The following POLR2F variants were observed in gnomAD, a reference collection of about 807,000 sequenced individuals.
POLR2F encodes RNA polymerase II, I and III subunit F, also known as DNA-directed RNA polymerases I, II, and III subunit RPABC2.
Under a neutral mutation model 22.7 loss-of-function variants are expected in POLR2F, and 12 were observed. That is an observed-to-expected ratio of 0.53 (90% CI 0.34 to 0.86). POLR2F has a LOEUF of 0.86. Among genes scored for constraint, POLR2F ranks in the 40% least tolerant of loss-of-function variants. The pLI, the probability that POLR2F is intolerant of heterozygous loss-of-function variation, is 0.02. For synonymous variants in POLR2F, 57 were observed against 66.0 expected (o/e 0.86, Z 0.66); for missense variants, 126 against 171.5 (o/e 0.73, Z 1.48).
chr22:38,023,390 T>C (rs2145822825), intron 1 of POLR2F, among the ~76,000 whole-genome samples: 1 of 152,204 alleles, frequency 6.6e-6, no homozygotes, highest in African/African-American at 2.4e-5. Context: ...TTAAAATCTA[T>C]GAAAAGGTCT....
chr22:37,974,374 T>C lies in POLR2F; in HGVS notation c.293+7204T>C, dbSNP rs1932162448. On this transcript the variant is annotated intron_variant, in intron 4 of 4. Coordinates refer to the POLR2F transcript ENST00000405557. This position sits in a 1 kb window ranked among gnomAD's most constrained non-coding sequence, Gnocchi z 5.4. ...TTTTTTTTGTTTTTTTTTTTTGAGA[T>C]GGAGTTTCGCTCTTGTTGCCCAGAC... Among the ~76,000 whole-genome samples, 2 of 149,404 alleles carry C rather than the reference T, an allele frequency of 1.3e-5. No homozygotes were observed. Among genetic ancestry groups the C allele is most frequent in the South Asian group, 4.2e-4 (2 of 4,796 alleles).
chr22:38,037,435 G>A (rs375018984), intron 5 of POLR2F, among the ~76,000 whole-genome samples: 4 of 121,986 alleles, frequency 3.3e-5, no homozygotes, highest in African/African-American at 1.1e-4. Flanking sequence ...CACCATGCTC[G>A]GCTATTTTTT....
intron 3 of POLR2F, among the ~76,000 whole-genome samples, chr22:37,964,974 C>A (rs1931796998): frequency 6.6e-6 from 1 of 152,162 alleles, no homozygotes; most frequent in African/African-American, 2.4e-5. Flanking sequence ...TGGCTCCTTG[C>A]CTGCTGTAAG....
chr22:37,981,006 C>CA (rs1932379389), intron 4 of POLR2F, among the ~76,000 whole-genome samples: 1 of 152,160 alleles, frequency 6.6e-6, no homozygotes, highest in Non-Finnish European at 1.5e-5. Context: ...CCACAGGCAC[C>CA]ACCCTGTGAT....
chr22:38,013,785 T>G (rs998918852), intron 1 of POLR2F, among the ~76,000 whole-genome samples: 11 of 152,326 alleles, frequency 7.2e-5, no homozygotes, highest in Admixed American at 1.3e-4. Context: ...TTTAAATATT[T>G]TAAAAAGTAA....
chr22:38,020,989 G>T (rs1201998537), intron 1 of POLR2F, among the ~76,000 whole-genome samples: 1 of 152,220 alleles, frequency 6.6e-6, no homozygotes, highest in Non-Finnish European at 1.5e-5. Flanking sequence ...CTCTTTTGCG[G>T]TTACTCCTGT....
chr22:37,985,560 C>T (rs1381247410), upstream of POLR2F, among the ~76,000 whole-genome samples: 8 of 152,214 alleles, frequency 5.3e-5, no homozygotes, highest in Admixed American at 3.9e-4. Flanking sequence ...GTGTTGAGGC[C>T]GAGGTGGGGT....
intron 5 of POLR2F, among the ~76,000 whole-genome samples, chr22:38,039,609 A>C (rs2085152094): frequency 6.6e-6 from 1 of 152,168 alleles, no homozygotes; most frequent in Admixed American, 6.5e-5. Context: ...GGCAGGTTGT[A>C]CGCAGCTGCT....
chr22:37,974,300 C>T, downstream of POLR2F: 6 of 873,112 alleles, frequency 6.9e-6, no homozygotes, highest in Non-Finnish European at 1.1e-5. This position sits in a 1 kb window ranked among gnomAD's most constrained non-coding sequence, Gnocchi z 5.4. Context: ...GCAGCGGGTG[C>T]CTCTGGGAAA....
In POLR2F at chr22:37,962,716, A is replaced by G. The variant is rs145473850; in HGVS notation, c.221+3240A>G. Reference sequence around the variant, plus strand: ...ATTTATTTAATTTTTTTTGAGACGGAGTCTTGCTCTGTCACCCAGGCTGGA... The same window carrying G: ...ATTTATTTAATTTTTTTTGAGACGGGGTCTTGCTCTGTCACCCAGGCTGGA... On this transcript the variant is annotated intron_variant, in intron 3 of 4. Transcript: ENST00000442738. Among the ~76,000 whole-genome samples the G allele has an allele frequency of 1.8e-4, 27 of 152,290 alleles. No homozygotes were observed. In the East Asian group the frequency reaches 5.2e-3, roughly 29 times the overall value.
intron 4 of POLR2F, 188 bp downstream of exon 4, chr22:37,967,358 T>G: frequency 6.9e-7 from 1 of 1,459,382 alleles, no homozygotes. Context: ...GGGAGGGCAC[T>G]GATGAGACAT....
chr22:37,994,980 A>G (rs1360976479), intron 1 of POLR2F, among the ~76,000 whole-genome samples: 1 of 152,170 alleles, frequency 6.6e-6, no homozygotes, highest in Non-Finnish European at 1.5e-5. Context: ...CAGGTGGCAA[A>G]TTGAGAAATC....
At chr22:37,973,596 G>A, downstream of POLR2F, 1 of 1,613,254 alleles carries the variant, frequency 6.2e-7, no homozygotes, top group South Asian at 1.1e-5. Flanking sequence ...GTGTAGAGGG[G>A]CCGCTGCGAG....
downstream of POLR2F, chr22:38,041,500 G>C (rs2085171901): frequency 4.0e-6 from 1 of 250,858 alleles, no homozygotes; most frequent in South Asian, 7.0e-5. Flanking sequence ...CCTAGCCAAG[G>C]TCAAGTAATA....
At chr22:37,956,598 G>T (rs554711294) in intron 1 of POLR2F, among the ~76,000 whole-genome samples, 175 bp from the exon 2 acceptor site, 2 of 151,992 alleles carry the variant, frequency 1.3e-5, no homozygotes, top group African/African-American at 4.8e-5. Flanking sequence ...TGTATTTTTA[G>T]TAGAGATGGG....
chr22:38,011,902 C>G (rs745615926), intron 1 of POLR2F, among the ~76,000 whole-genome samples: 1 of 151,772 alleles, frequency 6.6e-6, no homozygotes, highest in Non-Finnish European at 1.5e-5. Flanking sequence ...ATGAATGTGG[C>G]ATAGCTCTGC....
intron 3 of POLR2F, among the ~76,000 whole-genome samples, chr22:37,961,795 G>A (rs1028219000): frequency 2.0e-5 from 3 of 148,382 alleles, no homozygotes; most frequent in South Asian, 2.1e-4. Context: ...GGGACAGAGC[G>A]GGGTACTCTA....
chr22:38,036,876 T>C (rs923450421), intron 5 of POLR2F, among the ~76,000 whole-genome samples: 3 of 152,164 alleles, frequency 2.0e-5, no homozygotes, highest in Non-Finnish European at 4.4e-5. Context: ...AGGCCTTTTG[T>C]GCTGTTGCCA....
chr22:38,041,438 A>T, downstream of POLR2F: 3 of 323,720 alleles, frequency 9.3e-6, no homozygotes, highest in Non-Finnish European at 1.7e-5. Context: ...GAATGAGCTC[A>T]TGGGGCAAGT....
Sources: allele counts gnomAD v4.1 joint callset (sites outside exome capture counted in the v4.1 genomes callset), GRCh38; gene constraint gnomAD v4.1.1; non-coding constraint Gnocchi (gnomAD v3.1); transcripts MANE v1.5; gene names NCBI Gene and HGNC (gene_info 2026-07-23, HGNC 2026-07-21).